The following DOCK1 variants were observed in gnomAD, a reference collection of about 807,000 sequenced individuals.
DOCK1 encodes the protein dedicator of cytokinesis 1.
Under a neutral mutation model 262.7 loss-of-function variants are expected in DOCK1, and 138 were observed. The observed-to-expected ratio is 0.53, with a 90% CI of 0.46 to 0.61. DOCK1 has a LOEUF of 0.61. Ranked by LOEUF, DOCK1 falls within the 20% of genes least tolerant of loss-of-function variation. The pLI, the probability that DOCK1 is intolerant of heterozygous loss-of-function variation, is 0.00. For missense variants in DOCK1, 1,908 were observed against 2,370.7 expected, an observed-to-expected ratio of 0.80 and a Z score of 4.05; for synonymous variants, 866 against 867.4, an observed-to-expected ratio of 1.00 and a Z score of 0.03.
intron 29 of DOCK1, among the ~76,000 whole-genome samples, chr10:127,284,532 C>T (rs1235133901): frequency 4.6e-5 from 7 of 152,146 alleles, no homozygotes; most frequent in Non-Finnish European, 1.0e-4. Flanking sequence ...AAAAGTGGTT[C>T]TTCCAGTTAA....
intron 27 of DOCK1, among the ~76,000 whole-genome samples, chr10:127,243,262 C>G (rs1044092416): frequency 6.6e-6 from 1 of 152,178 alleles, no homozygotes; most frequent in Non-Finnish European, 1.5e-5. Flanking sequence ...GCATAGTTGA[C>G]AAAGGCACTG....
In DOCK1 at chr10:127,008,781, G is replaced by A; in HGVS notation, c.1035G>A (p.Lys345=). The A allele has an allele frequency of 1.2e-6, 2 of 1,601,316 alleles. No individual in the cohort carries two copies. The highest frequency in any genetic ancestry group is 1.1e-5 in the South Asian group (1 of 88,232). Residue 345 remains lysine, a synonymous_variant, in exon 11 of 52, where the codon AAG becomes AAA. Coordinates refer to ENST00000623213, the MANE Select transcript of DOCK1 (RefSeq NM_001290223.2). ...IINGKVDDED[K]QHFIPFQPLA... ...ATGGAAAAGTAGATGATGAAGATAA[G>A]CAGCATTTCATTCCCTTTCAGCCGT...
chr10:127,261,901 CATGT>C (rs2060157468), intron 29 of DOCK1, among the ~76,000 whole-genome samples: 2 of 88,352 alleles, frequency 2.3e-5, no homozygotes, highest in Non-Finnish European at 2.3e-5. Flanking sequence ...TGTGTGTGTG[CATGT>C]GTGTGTGTAC....
rs958363900 is a variant in DOCK1 at position 127,127,815 on chromosome 10, C to T, written c.2847+51C>T. ...GATATTTAACTGGGGCTGACAGCAT[C>T]CTTCTCCAACTGCTGTTTGAACATA... is the stretch of plus-strand genomic sequence containing the variant. On this transcript the variant is annotated intron_variant, in intron 27 of 51. Coordinates refer to ENST00000623213, the MANE Select transcript of DOCK1 (RefSeq NM_001290223.2). 2.7e-6 allele frequency: 4 copies of T among 1,477,152 alleles called. No homozygotes were observed. The Admixed American group carries it at 6.8e-5, about 25-fold the overall frequency. 91.5% of individuals were successfully genotyped at this position (1,477,152 alleles called of 1,614,324 possible).
chr10:127,068,091 C>T (rs909755817), intron 23 of DOCK1, among the ~76,000 whole-genome samples: 12 of 152,172 alleles, frequency 7.9e-5, no homozygotes. Flanking sequence ...ATTCTGTAAT[C>T]TCAGTAAATA....
At chr10:127,190,249 C>CT (rs2056620782) in intron 27 of DOCK1, among the ~76,000 whole-genome samples, 1 of 152,188 alleles carries the variant, frequency 6.6e-6, no homozygotes, top group South Asian at 2.1e-4. Context: ...CCCTTTGGTG[C>CT]TTTTTTCTTT....
At chr10:126,950,038 A>G (rs1052981554) in intron 1 of DOCK1, among the ~76,000 whole-genome samples, 1 of 149,362 alleles carries the variant, frequency 6.7e-6, no homozygotes, top group Non-Finnish European at 1.5e-5. Context: ...GAGCCATCTA[A>G]CATCCTCTCT....
Position 127,347,874 on chromosome 10 carries a change from CTTCCCTTCCCATCCCTTCCCTT to C in DOCK1, c.3224+4129_3224+4150del, listed in dbSNP as rs1565012394. On this transcript the variant is annotated intron_variant, in intron 31 of 51. Transcript: ENST00000623213. ...CTTCCCTTCCCTTCCCTTCCCTTCC[CTTCCCTTCCCATCCCTTCCCTT>C]CCCCCTTGCTAAGCCCTTGCAGCTC... Among the ~76,000 whole-genome samples the C allele has an allele frequency of 2.6e-4, 22 of 86,094 alleles. 2 individuals carry two copies. In the South Asian group the frequency reaches 3.3e-3, roughly 13 times the overall value. The allele number at this position is 86,094 out of a possible 152,430, so 56.5% of individuals were successfully genotyped here. A position where few individuals can be genotyped will look rare whatever the true frequency, so the allele number is the denominator to read the frequency against.
chr10:127,233,535 T>C (rs1043903964), intron 27 of DOCK1, among the ~76,000 whole-genome samples: 1 of 152,188 alleles, frequency 6.6e-6, no homozygotes, highest in Non-Finnish European at 1.5e-5. Context: ...ATTAACTTAC[T>C]CCAGGTACCA....
At chr10:127,358,410 A>G (rs558895529) in intron 32 of DOCK1, among the ~76,000 whole-genome samples, 11 of 152,298 alleles carry the variant, frequency 7.2e-5, no homozygotes, top group Non-Finnish European at 1.6e-4. Flanking sequence ...AAAAGAAAAA[A>G]GGGGGGAAAA....
Position 127,372,698 on chromosome 10 carries a change from T to C in DOCK1, c.3433-1083T>C, listed in dbSNP as rs151253621. The stretch of plus-strand genomic sequence containing the variant: ...ATAACAGCAGGCGGCTTGAGAATTG[T>C]TGCCTGAGAAAGTAGGTGATTGAAC... On this transcript the variant is annotated intron_variant, in intron 33 of 51. Transcript: ENST00000623213. 3.9e-5 allele frequency among the ~76,000 whole-genome samples: 6 copies of C among 152,312 alleles called. No homozygotes were observed. In the East Asian group the frequency reaches 1.2e-3, roughly 29 times the overall value.
At chr10:127,289,370 CGT>C (rs2061271979) in intron 29 of DOCK1, among the ~76,000 whole-genome samples, 1 of 152,090 alleles carries the variant, frequency 6.6e-6, no homozygotes, top group Non-Finnish European at 1.5e-5. Context: ...TAATAATGGG[CGT>C]GTGATGGTTT....
At chr10:127,259,556 C>A (rs2059943301) in intron 29 of DOCK1, among the ~76,000 whole-genome samples, 2 of 152,112 alleles carry the variant, frequency 1.3e-5, no homozygotes, top group Non-Finnish European at 2.9e-5. Context: ...GTGGAGGCGG[C>A]CCGTGTGGAT....
chr10:127,147,524 G>T (rs938369911), intron 27 of DOCK1, among the ~76,000 whole-genome samples: 1 of 152,002 alleles, frequency 6.6e-6, no homozygotes, highest in Admixed American at 6.5e-5. Context: ...GCTCTCTCTC[G>T]CCAGAGCTCT....
At chr10:127,099,341 C>T (rs537173837) in intron 23 of DOCK1, among the ~76,000 whole-genome samples, 12 of 152,238 alleles carry the variant, frequency 7.9e-5, no homozygotes, top group South Asian at 2.1e-4. Flanking sequence ...ATGGGGAATA[C>T]GGACAAATTG....
In DOCK1 at chr10:127,007,202, A is replaced by C. The variant is rs578000732; in HGVS notation, c.986-1530A>C. ...CTGGCTCTTTGAGGCCCCTTGGTTGAGTGGAGTGAGTGTGGGTGTCGTCTC... is the reference window on the plus strand; with the variant it reads ...CTGGCTCTTTGAGGCCCCTTGGTTGCGTGGAGTGAGTGTGGGTGTCGTCTC... On this transcript the variant is annotated intron_variant, in intron 10 of 51. Transcript: ENST00000623213. 1.4e-4 allele frequency among the ~76,000 whole-genome samples: 22 copies of C among 152,076 alleles called. 1 individual carries two copies. The highest frequency in any genetic ancestry group is 4.8e-4 in the African/African-American group (20 of 41,494).
intron 29 of DOCK1, among the ~76,000 whole-genome samples, chr10:127,337,479 C>CT (rs939202136): frequency 1.6e-4 from 24 of 151,388 alleles, no homozygotes; most frequent in East Asian, 5.8e-4. Context: ...CTGTATTCCG[C>CT]TTTTTTTTTC....
Position 127,017,159 on chromosome 10 carries a change from AACAC to A in DOCK1, c.1202-1537_1202-1534del, listed in dbSNP as rs141792612. 4.8e-3 allele frequency among the ~76,000 whole-genome samples: 697 copies of A among 145,540 alleles called. 1 individual carries two copies. The highest frequency in any genetic ancestry group is 0.011 in the African/African-American group (413 of 39,096). ...TACACACACAGATACAGACACCACA[AACAC>A]ACACACACACACAGATACACCACAC... On this transcript the variant is annotated intron_variant, in intron 12 of 51. Coordinates refer to ENST00000623213, the MANE Select transcript of DOCK1 (RefSeq NM_001290223.2).
chr10:126,962,649 T>G (rs1474523597), intron 1 of DOCK1, among the ~76,000 whole-genome samples: 1 of 152,214 alleles, frequency 6.6e-6, no homozygotes, highest in Non-Finnish European at 1.5e-5. Flanking sequence ...GATAGGGGAT[T>G]TGTAAATACT....
Sources: gnomAD v4.1 joint callset for allele counts (sites outside exome capture counted in the v4.1 genomes callset) on GRCh38, gnomAD v4.1.1 for gene constraint, MANE v1.5 for transcripts, NCBI Gene and HGNC (gene_info 2026-07-23, HGNC 2026-07-21) for gene names.